Variants in ZMAT4 observed in about 807,000 individuals in gnomAD.
ZMAT4 encodes the protein zinc finger matrin-type protein 4.
Under a neutral mutation model 28.7 loss-of-function variants are expected in ZMAT4, and 17 were observed. The observed-to-expected ratio is 0.59, with a 90% confidence interval of 0.41 to 0.89. The LOEUF (loss-of-function observed/expected upper bound fraction) is 0.89. Ranked by LOEUF, ZMAT4 falls within the 40% of genes least tolerant of loss-of-function variation. The probability of loss-of-function intolerance (pLI) is 0.00; values close to 1 mark genes in which losing one functional copy is unlikely to be tolerated. For synonymous variants in ZMAT4, 117 were observed against 109.2 expected (o/e 1.07, Z -0.44); for missense variants, 240 against 283.8 (o/e 0.85, Z 1.11).
At chr8:40,652,931 TG>T in intron 5 of ZMAT4, among the ~76,000 whole-genome samples, 1 of 111,310 alleles carries the variant, frequency 9.0e-6, no homozygotes, top group East Asian at 2.8e-4. Flanking sequence ...TGGGGACCGT[TG>T]TGGGGTGGGG....
chr8:40,684,951 C>T (rs1333495656), intron 4 of ZMAT4, among the ~76,000 whole-genome samples: 1 of 152,072 alleles, frequency 6.6e-6, no homozygotes, highest in East Asian at 1.9e-4. Flanking sequence ...TTTGAGTTGC[C>T]TTAAGCATAT....
chr8:40,709,036 A>T (rs145036156), intron 3 of ZMAT4, among the ~76,000 whole-genome samples: 173 of 152,216 alleles, frequency 1.1e-3, no homozygotes, highest in Non-Finnish European at 2.1e-3. Flanking sequence ...ATCCATGGGG[A>T]ATTGGTTCCA....
At position 40,599,347 on chromosome 8, in the gene ZMAT4, T is replaced by A. The variant is rs117698345; in HGVS notation, c.578-18086A>T. ...CTCATTGTCAAATACATCACACATA[T>A]GTACACACACATACATATGTATACA... On this transcript the variant is annotated intron_variant, in intron 5 of 6. Transcript: ENST00000297737. Among the ~76,000 whole-genome samples the A allele has an allele frequency of 3.3e-3, 510 of 152,280 alleles. 2 individuals carry two copies. The highest frequency in any genetic ancestry group is 5.8e-3 in the Non-Finnish European group (392 of 68,030).
chr8:40,652,093 A>C (rs1807691101), intron 5 of ZMAT4, among the ~76,000 whole-genome samples: 1 of 93,542 alleles, frequency 1.1e-5, no homozygotes. Context: ...GGATCTAATT[A>C]AACTAAAGAG....
chr8:40,606,653 G>C (rs2122946), intron 5 of ZMAT4, among the ~76,000 whole-genome samples: 23,653 of 152,128 alleles, frequency 0.16, 2,722 homozygotes, highest in East Asian at 0.57. Context: ...ATGACTATGT[G>C]CCTAAGTGAT....
chr8:40,744,630 A>G (rs1812144031), intron 3 of ZMAT4, among the ~76,000 whole-genome samples: 1 of 152,124 alleles, frequency 6.6e-6, no homozygotes, highest in South Asian at 2.1e-4. Flanking sequence ...GTTCCTCCCC[A>G]TTGAATGATT....
intron 1 of ZMAT4, among the ~76,000 whole-genome samples, chr8:40,833,540 CAAAAAA>C (rs57458575): frequency 0.03 from 2,611 of 87,088 alleles, 126 homozygotes; most frequent in African/African-American, 0.1. Flanking sequence ...TACACTCCAG[CAAAAAA>C]AAAAAAAAAA....
chr8:40,630,388 C>A (rs1230990084), intron 5 of ZMAT4, among the ~76,000 whole-genome samples: 1 of 152,170 alleles, frequency 6.6e-6, no homozygotes, highest in Non-Finnish European at 1.5e-5. Context: ...TCATATATAT[C>A]CTATGTGGAA....
At chr8:40,535,598 G>T (rs1235731733) in intron 6 of ZMAT4, among the ~76,000 whole-genome samples, 2 of 151,606 alleles carry the variant, frequency 1.3e-5, no homozygotes. Context: ...GAACCCAGGA[G>T]GCAGAAGTTG....
intron 3 of ZMAT4, among the ~76,000 whole-genome samples, chr8:40,719,819 C>T (rs1010473444): frequency 1.3e-5 from 2 of 152,132 alleles, no homozygotes; most frequent in African/African-American, 2.4e-5. Context: ...GATCTGCCCC[C>T]CCTCAGCCTC....
intron 3 of ZMAT4, among the ~76,000 whole-genome samples, chr8:40,763,894 T>C (rs917058825): frequency 1.3e-5 from 2 of 152,152 alleles, no homozygotes; most frequent in African/African-American, 4.8e-5. Flanking sequence ...GGGAATTATC[T>C]TAACCCCACA....
chr8:40,607,323 G>A (rs1428427122), intron 5 of ZMAT4, among the ~76,000 whole-genome samples: 1 of 151,700 alleles, frequency 6.6e-6, no homozygotes, highest in African/African-American at 2.4e-5. Flanking sequence ...CGGTGAGACG[G>A]GGTTTCACCG....
chr8:40,844,503 T>C, intron 1 of ZMAT4, among the ~76,000 whole-genome samples: 1 of 152,208 alleles, frequency 6.6e-6, no homozygotes, highest in East Asian at 1.9e-4. Context: ...CATGACTAGC[T>C]TTCCTGGTTC....
chr8:40,691,370 A>C (rs567219137), intron 4 of ZMAT4, among the ~76,000 whole-genome samples: 1 of 151,096 alleles, frequency 6.6e-6, no homozygotes, highest in East Asian at 2.0e-4. Context: ...CAAAAGACAC[A>C]AAATGTGCAA....
chr8:40,773,813 G>A (rs1401048144), intron 2 of ZMAT4, among the ~76,000 whole-genome samples: 1 of 151,644 alleles, frequency 6.6e-6, no homozygotes, highest in Non-Finnish European at 1.5e-5. Flanking sequence ...AGTCAAGATA[G>A]AGACAATTTC....
chr8:40,806,894 A>T (rs1815104524), intron 2 of ZMAT4, among the ~76,000 whole-genome samples: 1 of 152,058 alleles, frequency 6.6e-6, no homozygotes, highest in Non-Finnish European at 1.5e-5. Flanking sequence ...ATGCAGGCAC[A>T]CATCACAGTT....
At chr8:40,565,494 AG>A (rs1172997975) in intron 6 of ZMAT4, among the ~76,000 whole-genome samples, 1 of 150,420 alleles carries the variant, frequency 6.6e-6, no homozygotes, top group Admixed American at 6.7e-5. Flanking sequence ...CTCCTGCCTA[AG>A]GCTCATGAGT....
At chr8:40,683,208 T>C (rs1809251983) in intron 4 of ZMAT4, among the ~76,000 whole-genome samples, 1 of 152,228 alleles carries the variant, frequency 6.6e-6, no homozygotes, top group Non-Finnish European at 1.5e-5. Flanking sequence ...ACTGCTGTAC[T>C]TGAGGACATC....
chr8:40,604,913 C>T (rs1191819206), intron 5 of ZMAT4, among the ~76,000 whole-genome samples: 1 of 152,116 alleles, frequency 6.6e-6, no homozygotes, highest in Non-Finnish European at 1.5e-5. Context: ...TGTCATTGGT[C>T]TGTTCAGAGT....
Sources: gnomAD v4.1 joint callset for allele counts (sites outside exome capture counted in the v4.1 genomes callset) on GRCh38, gnomAD v4.1.1 for gene constraint, MANE v1.5 for transcripts, NCBI Gene and HGNC (gene_info 2026-07-23, HGNC 2026-07-21) for gene names.